VOPP1: variants seen among roughly 807,000 people sequenced by gnomAD.
The protein encoded by VOPP1 is VOPP1 WW domain binding protein.
A neutral mutation model predicts 23.5 loss-of-function variants in VOPP1; 8 were observed. The observed-to-expected ratio is 0.34, with a 90% CI of 0.20 to 0.61. The LOEUF (loss-of-function observed/expected upper bound fraction) is 0.61. Ranked by LOEUF, VOPP1 falls within the 20% of genes least tolerant of loss-of-function variation. The pLI, the probability that VOPP1 is intolerant of heterozygous loss-of-function variation, is 0.78. For synonymous variants in VOPP1, 83 were observed against 97.3 expected (o/e 0.85, Z 0.86); for missense variants, 174 against 238.1 (o/e 0.73, Z 1.77).
chr7:55,435,312 G>T (rs1268800911), downstream of VOPP1, among the ~76,000 whole-genome samples: 1 of 152,242 alleles, frequency 6.6e-6, no homozygotes, highest in Non-Finnish European at 1.5e-5. Flanking sequence ...GGGGGGTAAA[G>T]AAGTGTGTGT....
chr7:55,457,902 A>G (rs189996364), intron 4 of VOPP1, among the ~76,000 whole-genome samples: 1 of 151,618 alleles, frequency 6.6e-6, no homozygotes, highest in Admixed American at 6.6e-5. Flanking sequence ...TTGTCTCTTC[A>G]CTCTGTTGAC....
intron 4 of VOPP1, among the ~76,000 whole-genome samples, chr7:55,481,978 A>G (rs952306510): frequency 1.3e-5 from 2 of 152,176 alleles, no homozygotes; most frequent in Non-Finnish European, 2.9e-5. Context: ...TTACATTTTG[A>G]TCAGATTAAT....
At chr7:55,530,345 A>T (rs1460944132) in intron 1 of VOPP1, among the ~76,000 whole-genome samples, 3 of 152,164 alleles carry the variant, frequency 2.0e-5, no homozygotes. Context: ...CCAATGATGT[A>T]AGACTCTTTT....
intron 4 of VOPP1, among the ~76,000 whole-genome samples, chr7:55,443,379 C>T (rs943497116): frequency 2.6e-5 from 4 of 151,402 alleles, no homozygotes; most frequent in African/African-American, 9.7e-5. Context: ...ACGGTGAAAC[C>T]CCATCTCTAC....
rs138606883 is a variant in VOPP1 at position 55,563,208 on chromosome 7, C to T, written c.54+9063G>A. 1.1e-4 allele frequency among the ~76,000 whole-genome samples: 16 copies of T among 151,962 alleles called. No homozygotes were observed. In the South Asian group the frequency reaches 2.3e-3, roughly 22 times the overall value. On this transcript the variant is annotated intron_variant, in intron 1 of 4. Transcript: ENST00000285279. Reference sequence around the variant, plus strand: ...TCGATACAGATTTTGTTACAAAAAACGACAGATCAAAACTAGACTTTCAAG... The same window carrying T: ...TCGATACAGATTTTGTTACAAAAAATGACAGATCAAAACTAGACTTTCAAG...
Position 55,565,840 on chromosome 7 carries a change from C to T in VOPP1, c.54+6431G>A, listed in dbSNP as rs142307157. 3.1e-3 allele frequency among the ~76,000 whole-genome samples: 473 copies of T among 152,198 alleles called. 3 individuals are homozygous for T. Among genetic ancestry groups the T allele is most frequent in the African/African-American group, 0.011 (457 of 41,510 alleles). ...TTTTGATGCTGCCAGTCAGACCACACCCACAGAACAGAGCTTCCTATTGTT... is the reference window on the plus strand; with the variant it reads ...TTTTGATGCTGCCAGTCAGACCACATCCACAGAACAGAGCTTCCTATTGTT... On this transcript the variant is annotated intron_variant, in intron 1 of 4. Coordinates refer to ENST00000285279, the MANE Select transcript of VOPP1 (RefSeq NM_030796.5).
intron 2 of VOPP1, among the ~76,000 whole-genome samples, chr7:55,512,553 C>T (rs1795144102): frequency 6.6e-6 from 1 of 152,212 alleles, no homozygotes; most frequent in Non-Finnish European, 1.5e-5. Flanking sequence ...CAGGAATCTT[C>T]ATTGATAAAT....
chr7:55,435,336 T>C (rs111384081), downstream of VOPP1, among the ~76,000 whole-genome samples: 8 of 152,204 alleles, frequency 5.3e-5, no homozygotes, highest in African/African-American at 1.9e-4. Flanking sequence ...CCAGCCGGGC[T>C]TCAAAGCATG....
At chr7:55,444,715 CT>C (rs34123434) in intron 4 of VOPP1, among the ~76,000 whole-genome samples, 99 of 147,570 alleles carry the variant, frequency 6.7e-4, no homozygotes, top group South Asian at 1.5e-3. Flanking sequence ...CGTAGAAACT[CT>C]TTTTTTTTTT....
intron 1 of VOPP1, among the ~76,000 whole-genome samples, chr7:55,556,641 C>T (rs1797815929): frequency 6.6e-6 from 1 of 150,900 alleles, no homozygotes; most frequent in African/African-American, 2.4e-5. Flanking sequence ...TTGGAACCCC[C>T]CCCCAAAACA....
intron 1 of VOPP1, among the ~76,000 whole-genome samples, chr7:55,522,130 C>G (rs992580077): frequency 6.6e-6 from 1 of 152,134 alleles, no homozygotes; most frequent in Non-Finnish European, 1.5e-5. Context: ...GTGGCTGGAT[C>G]AGCTCCCTCC....
At chr7:55,540,511 T>C (rs79702027) in intron 1 of VOPP1, among the ~76,000 whole-genome samples, 1,674 of 152,308 alleles carry the variant, frequency 0.011, 11 homozygotes, top group Middle Eastern at 0.02. Context: ...GGAGACCCCA[T>C]GTGCCCTCAG....
intron 2 of VOPP1, among the ~76,000 whole-genome samples, chr7:55,514,756 G>C (rs761941247): frequency 6.6e-6 from 1 of 152,200 alleles, no homozygotes; most frequent in Non-Finnish European, 1.5e-5. Flanking sequence ...AGAGTGCTTA[G>C]GCAAGCACTC....
intron 4 of VOPP1, among the ~76,000 whole-genome samples, chr7:55,488,503 G>C (rs1461986891): frequency 2.0e-5 from 3 of 152,090 alleles, no homozygotes; most frequent in Non-Finnish European, 2.9e-5. Context: ...CACGTTCAGA[G>C]TTCTGCCCCA....
intron 4 of VOPP1, among the ~76,000 whole-genome samples, chr7:55,448,327 A>C (rs918131033): frequency 1.3e-5 from 2 of 152,192 alleles, no homozygotes; most frequent in African/African-American, 4.8e-5. Flanking sequence ...AACAAAACAC[A>C]TGGTAAAATT....
chr7:55,472,766 G>C lies in VOPP1; in HGVS notation c.*89C>G. Reference sequence around the variant, plus strand: ...AGAGGAACTGCCCTTAGCAGCCCACGAGACCGTTCCTGGAAGTGAACATCA... The same window carrying C: ...AGAGGAACTGCCCTTAGCAGCCCACCAGACCGTTCCTGGAAGTGAACATCA... On this transcript the variant is annotated 3_prime_UTR_variant, in exon 5 of 5. Coordinates refer to ENST00000285279, the MANE Select transcript of VOPP1 (RefSeq NM_030796.5). 2 of 638,872 alleles carry C rather than the reference G, an allele frequency of 3.1e-6. No individual in the cohort carries two copies. Among genetic ancestry groups the C allele is most frequent in the Non-Finnish European group, 4.8e-6 (2 of 415,340 alleles). The allele number at this position is 638,872 out of a possible 1,614,324, so 39.6% of individuals were successfully genotyped here.
At chr7:55,546,426 C>T (rs1275945464) in intron 1 of VOPP1, among the ~76,000 whole-genome samples, 1 of 152,200 alleles carries the variant, frequency 6.6e-6, no homozygotes, top group Non-Finnish European at 1.5e-5. Flanking sequence ...GAGCCTAAAT[C>T]AATACGCCAT....
At chr7:55,551,228 T>C (rs1412777697) in intron 1 of VOPP1, among the ~76,000 whole-genome samples, 1 of 152,222 alleles carries the variant, frequency 6.6e-6, no homozygotes, top group African/African-American at 2.4e-5. Context: ...AAGCAAGGCT[T>C]CATGTGAAAT....
intron 1 of VOPP1, among the ~76,000 whole-genome samples, chr7:55,523,061 C>T (rs1028215010): frequency 6.6e-6 from 1 of 152,166 alleles, no homozygotes; most frequent in African/African-American, 2.4e-5. Flanking sequence ...TCTTCTGGGT[C>T]ACACAGCTTC....
Sources: gnomAD v4.1 joint callset for allele counts (sites outside exome capture counted in the v4.1 genomes callset) on GRCh38, gnomAD v4.1.1 for gene constraint, MANE v1.5 for transcripts, NCBI Gene and HGNC (gene_info 2026-07-23, HGNC 2026-07-21) for gene names.